NELL2: variants seen among roughly 807,000 people sequenced by gnomAD.
The protein encoded by NELL2 is protein kinase C-binding protein NELL2.
Under a neutral mutation model 109.6 loss-of-function variants are expected in NELL2, and 41 were observed. The ratio of observed to expected loss-of-function variants is 0.37; its 90% CI spans 0.29 to 0.49. The LOEUF is 0.49. Ranked by LOEUF, NELL2 falls within the 20% of genes least tolerant of loss-of-function variation. The pLI is 0.98. For synonymous variants in NELL2, 355 were observed against 344.7 expected, an observed-to-expected ratio of 1.03 and a Z score of -0.33; for missense variants, 900 against 1,008.3, an observed-to-expected ratio of 0.89 and a Z score of 1.45.
intron 15 of NELL2, among the ~76,000 whole-genome samples, chr12:44,534,727 T>C (rs1942223121): frequency 6.6e-6 from 1 of 152,114 alleles, no homozygotes; most frequent in African/African-American, 2.4e-5. Flanking sequence ...AAGTGAGTTT[T>C]ATTGGAAGAA....
chr12:44,643,693 AG>A (rs1424773670), intron 13 of NELL2, among the ~76,000 whole-genome samples: 1 of 152,210 alleles, frequency 6.6e-6, no homozygotes, highest in Non-Finnish European at 1.5e-5. Context: ...GGTTCCACGT[AG>A]ATGCAGTATA....
intron 9 of NELL2, among the ~76,000 whole-genome samples, chr12:44,732,432 G>C (rs1310088152): frequency 1.3e-5 from 2 of 151,860 alleles, no homozygotes; most frequent in Non-Finnish European, 2.9e-5. Flanking sequence ...TCTCCAACAA[G>C]AATACTAAGA....
At chr12:44,897,624 C>A (rs1287671493) in intron 1 of NELL2, among the ~76,000 whole-genome samples, 1 of 152,196 alleles carries the variant, frequency 6.6e-6, no homozygotes, top group Non-Finnish European at 1.5e-5. Context: ...TCAAAACTGG[C>A]AGACCAGGGG....
At chr12:44,522,245 G>A (rs544663799) in intron 17 of NELL2, 69 bp from the exon 18 acceptor site, 98 of 1,207,104 alleles carry the variant, frequency 8.1e-5, no homozygotes, top group South Asian at 3.3e-4. Flanking sequence ...ACACACACAC[G>A]CACACACATT....
At chr12:44,747,444 T>TATA (rs200256759) in intron 9 of NELL2, among the ~76,000 whole-genome samples, 7,803 of 151,172 alleles carry the variant, frequency 0.052, 622 homozygotes, top group African/African-American at 0.18. Context: ...AAACTTCAAG[T>TATA]ATAATAATAA....
intron 15 of NELL2, among the ~76,000 whole-genome samples, chr12:44,586,950 C>T (rs1944530221): frequency 6.6e-6 from 1 of 152,016 alleles, no homozygotes; most frequent in Non-Finnish European, 1.5e-5. Context: ...CATCTAACAT[C>T]AGTAGTTGAG....
At chr12:44,779,542 C>T (rs976818972) in intron 5 of NELL2, 121 bp downstream of exon 5, 5 of 755,708 alleles carry the variant, frequency 6.6e-6, no homozygotes, top group South Asian at 3.8e-5. Flanking sequence ...ATGAAACAGA[C>T]ACAAATTTTC....
At chr12:44,874,298 C>T (rs978654200) in intron 2 of NELL2, among the ~76,000 whole-genome samples, 6 of 152,146 alleles carry the variant, frequency 3.9e-5, no homozygotes, top group Non-Finnish European at 8.8e-5. Flanking sequence ...AAGCTTTAGT[C>T]CATTAGATAT....
Position 44,876,226 on chromosome 12 carries a change from G to T in NELL2, c.-357C>A, listed in dbSNP as rs966420510. ...CAAAGACTCGCACACCCGGTAGAAG[G>T]GGGGCGGCCCCAAGAAAGCCCGGGC... On this transcript the variant is annotated 5_prime_UTR_variant, in exon 1 of 20. Transcript: ENST00000429094. The T allele has an allele frequency of 5.1e-6, 6 of 1,176,144 alleles. No individual in the cohort carries two copies. The African/African-American group carries it at 7.9e-5, about 15-fold the overall frequency. The allele number at this position is 1,176,144 out of a possible 1,614,324, so 72.9% of individuals were successfully genotyped here. A position where few individuals can be genotyped will look rare whatever the true frequency, so the allele number is the denominator to read the frequency against.
intron 2 of NELL2, among the ~76,000 whole-genome samples, chr12:44,848,095 T>C (rs931958197): frequency 4.0e-5 from 6 of 150,800 alleles, no homozygotes; most frequent in African/African-American, 9.8e-5. Flanking sequence ...AGGAAGATGA[T>C]GGCTGTGGGG....
chr12:44,605,936 T>C (rs1283583078), intron 15 of NELL2, among the ~76,000 whole-genome samples: 1 of 152,152 alleles, frequency 6.6e-6, no homozygotes, highest in Admixed American at 6.6e-5. Context: ...TAGTATATCA[T>C]ATGATAGTTA....
At chr12:44,906,841 A>G (rs1945724443) in intron 1 of NELL2, among the ~76,000 whole-genome samples, 1 of 152,100 alleles carries the variant, frequency 6.6e-6, no homozygotes, top group African/African-American at 2.4e-5. Context: ...AAAGAAACAC[A>G]TAAGAAATAT....
At chr12:44,835,886 G>C (rs1344065811) in intron 2 of NELL2, among the ~76,000 whole-genome samples, 25 of 152,192 alleles carry the variant, frequency 1.6e-4, no homozygotes, top group Admixed American at 1.6e-3. Context: ...AAGTAAATGT[G>C]AACTCAGACC....
At chr12:44,810,131 T>C (rs1009673582) in intron 3 of NELL2, among the ~76,000 whole-genome samples, 3 of 152,112 alleles carry the variant, frequency 2.0e-5, no homozygotes, top group African/African-American at 4.8e-5. Flanking sequence ...CATTTATGAT[T>C]CCTGATGTAC....
chr12:44,764,095 GTAAAGAAAAGTTT>G (rs1373392765), intron 9 of NELL2, among the ~76,000 whole-genome samples: 1 of 152,102 alleles, frequency 6.6e-6, no homozygotes, highest in African/African-American at 2.4e-5. Flanking sequence ...TAATACAAAT[GTAAAGAAAAGTTT>G]TTCAAAAAGC....
intron 12 of NELL2, among the ~76,000 whole-genome samples, chr12:44,701,733 A>T (rs1169583196): frequency 6.6e-6 from 1 of 152,086 alleles, no homozygotes; most frequent in Admixed American, 6.6e-5. Context: ...GGCCATCAAC[A>T]TCTTTACCTG....
At chr12:44,805,492 T>C (rs1055115721) in intron 3 of NELL2, among the ~76,000 whole-genome samples, 2 of 151,874 alleles carry the variant, frequency 1.3e-5, no homozygotes, top group African/African-American at 2.4e-5. Flanking sequence ...CAGTGAGCTG[T>C]TGAAAAAATT....
chr12:44,654,657 C>T (rs577631170), intron 13 of NELL2, among the ~76,000 whole-genome samples: 17 of 152,210 alleles, frequency 1.1e-4, no homozygotes, highest in Non-Finnish European at 1.9e-4. Flanking sequence ...GTGTCTCACC[C>T]CAACAGAAGC....
intron 15 of NELL2, among the ~76,000 whole-genome samples, chr12:44,587,284 A>AAAAAAAAAAAATATATATATATATAT: frequency 1.7e-4 from 12 of 72,186 alleles, no homozygotes; most frequent in East Asian, 1.2e-3. Context: ...AAAAAAAAAA[A>AAAAAAAAAAAATATATATATATATAT]ATATATATAT....
Sources: gnomAD v4.1 joint callset for allele counts (sites outside exome capture counted in the v4.1 genomes callset) on GRCh38, gnomAD v4.1.1 for gene constraint, MANE v1.5 for transcripts, NCBI Gene and HGNC (gene_info 2026-07-23, HGNC 2026-07-21) for gene names.